Variants in DSG4 observed in about 807,000 individuals in gnomAD.
DSG4 encodes desmoglein-4.
Under a neutral mutation model 93.1 loss-of-function variants are expected in DSG4, and 87 were observed. The ratio of observed to expected loss-of-function variants is 0.93; its 90% CI spans 0.79 to 1.12. The LOEUF is 1.12. Ranked by LOEUF, DSG4 falls within the 50% of genes most tolerant of loss-of-function variation. The pLI, the probability that DSG4 is intolerant of heterozygous loss-of-function variation, is 0.00. For synonymous variants in DSG4, 432 were observed against 452.9 expected (o/e 0.95, Z 0.59); for missense variants, 1,373 against 1,285.7 (o/e 1.07, Z -1.04).
At chr18:31,399,050 C>T (rs1264784403) in intron 8 of DSG4, among the ~76,000 whole-genome samples, 2 of 152,098 alleles carry the variant, frequency 1.3e-5, no homozygotes, top group Admixed American at 6.6e-5. Context: ...TTTAAAATCA[C>T]AGCCTTAAAT....
At position 31,386,682 on chromosome 18, in the gene DSG4, C is replaced by T. The variant is rs2072191021; in HGVS notation, c.85-6C>T. On this transcript the variant is annotated splice_region_variant and splice_polypyrimidine_tract_variant and intron_variant, in intron 2 of 15. Coordinates refer to ENST00000308128, the MANE Select transcript of DSG4 (RefSeq NM_177986.5). ...CTGTAAGACACCTGAACCATTTTTG[C>T]TTAAGGTGAAGGAATTTGACATTGA... is the stretch of plus-strand genomic sequence containing the variant. The T allele has an allele frequency of 6.2e-7, 1 of 1,612,552 alleles. No homozygotes were observed. The highest frequency in any genetic ancestry group is 8.5e-7 in the Non-Finnish European group (1 of 1,179,046).
intron 5 of DSG4, among the ~76,000 whole-genome samples, chr18:31,389,943 A>G (rs1400138294): frequency 6.6e-6 from 1 of 152,162 alleles, no homozygotes; most frequent in Non-Finnish European, 1.5e-5. Flanking sequence ...ACACTGGTGA[A>G]GGAAGAGAAG....
intron 1 of DSG4, among the ~76,000 whole-genome samples, chr18:31,382,719 G>T (rs1485156118): frequency 6.6e-6 from 1 of 152,062 alleles, no homozygotes; most frequent in Non-Finnish European, 1.5e-5. Flanking sequence ...TTTGGCTTCT[G>T]TTACCCTCAT....
In DSG4 at chr18:31,411,456, C is replaced by T. The variant is rs537452018; in HGVS notation, c.2355+8C>T. The T allele has an allele frequency of 6.8e-6, 11 of 1,611,992 alleles. No individual in the cohort carries two copies. In the African/African-American group the frequency reaches 1.1e-4, roughly 16 times the overall value. On this transcript the variant is annotated splice_region_variant and intron_variant, in intron 15 of 15. Transcript: ENST00000308128. ...GACAGCTACTTCTCGGAGGTAATGC[C>T]CTCACAGTCACACATAAAATCGTCT...
intron 12 of DSG4, 90 bp downstream of exon 12, chr18:31,406,463 T>C: frequency 1.3e-6 from 2 of 1,529,400 alleles, no homozygotes; most frequent in Non-Finnish European, 9.0e-7. Context: ...CATGGAGCCA[T>C]TTCTTTTTGG....
At chr18:31,400,306 T>C (rs1022857788) in intron 9 of DSG4, among the ~76,000 whole-genome samples, 13 of 152,178 alleles carry the variant, frequency 8.5e-5, no homozygotes, top group African/African-American at 2.9e-4. Context: ...TCTGCCAGGA[T>C]GGGTGGAGGT....
Position 31,411,098 on chromosome 18 carries a change from T to G in DSG4, c.2138-133T>G, listed in dbSNP as rs17729233. ...GAGATGTATCGGTGTAACTTGTATCTCTCTTTGTCAGCTTTTTAGCGCCTA... is the reference window on the plus strand; with the variant it reads ...GAGATGTATCGGTGTAACTTGTATCGCTCTTTGTCAGCTTTTTAGCGCCTA... On this transcript the variant is annotated intron_variant, in intron 14 of 15. Coordinates refer to ENST00000308128, the MANE Select transcript of DSG4 (RefSeq NM_177986.5). The G allele has an allele frequency of 0.15, 243,452 of 1,584,168 alleles. 19,267 individuals carry two copies. The highest frequency in any genetic ancestry group is 0.2 in the East Asian group (8,811 of 43,500).
intron 1 of DSG4, among the ~76,000 whole-genome samples, chr18:31,380,659 A>G (rs1350730): frequency 0.7 from 106,108 of 151,732 alleles, 38,141 homozygotes; most frequent in East Asian, 0.9. Context: ...CTGGTGGGAT[A>G]GTAACTGCTT....
intron 12 of DSG4, among the ~76,000 whole-genome samples, chr18:31,408,023 C>T (rs1178014814): frequency 1.3e-5 from 2 of 152,072 alleles, no homozygotes; most frequent in East Asian, 3.9e-4. Flanking sequence ...TTTTCCTGAC[C>T]CAGACAAAGA....
chr18:31,400,754 C>A, intron 9 of DSG4, 127 bp from the exon 10 acceptor site: 1 of 916,632 alleles, frequency 1.1e-6, no homozygotes, highest in Non-Finnish European at 1.7e-6. Flanking sequence ...TTTTTATAAA[C>A]CAAGGCAATC....
intron 11 of DSG4, among the ~76,000 whole-genome samples, chr18:31,403,892 T>C (rs2072397470): frequency 6.6e-6 from 1 of 152,212 alleles, no homozygotes; most frequent in Non-Finnish European, 1.5e-5. Flanking sequence ...ACCCATCATT[T>C]TGAGTAGGTA....
In DSG4 at chr18:31,390,725, A is replaced by C; in HGVS notation, c.587A>C (p.Tyr196Ser). The stretch of plus-strand genomic sequence containing the variant: ...AATCATCTGAATTCTAAAATTGCCT[A>C]CAAGATCGTCTCTCAGGAGCCATCA... The part of the protein sequence containing the change: ...EENHLNSKIA[Y>S]KIVSQEPSGA... Residue 196 changes from tyrosine (Y) to serine (S), a missense_variant, in exon 6 of 16, where the codon TAC becomes TCC. Physicochemically the swap from Tyr to Ser is moderately radical, Grantham distance 144. Coordinates refer to ENST00000308128, the MANE Select transcript of DSG4 (RefSeq NM_177986.5). 1 of 1,613,838 alleles carries C rather than the reference A, an allele frequency of 6.2e-7. No homozygotes were observed. The highest frequency in any genetic ancestry group is 1.1e-5 in the South Asian group (1 of 91,078).
In DSG4 at chr18:31,376,869, A is replaced by G. The variant is rs140773382; in HGVS notation, c.-43A>G. 6.2e-6 allele frequency: 10 copies of G among 1,612,000 alleles called. No homozygotes were observed. In the African/African-American group the frequency reaches 6.7e-5, roughly 11 times the overall value. On this transcript the variant is annotated 5_prime_UTR_variant, in exon 1 of 16. Transcript: ENST00000308128. Reference sequence around the variant, plus strand: ...TCGGAACTGAGAAGACGAGGGCTCAAATTGAATCTCACAGGATTTGCGTGC... The same window carrying G: ...TCGGAACTGAGAAGACGAGGGCTCAGATTGAATCTCACAGGATTTGCGTGC...
Position 31,409,358 on chromosome 18 carries a change from A to G in DSG4, c.1934-94A>G, listed in dbSNP as rs547289983. 8.2e-6 allele frequency: 13 copies of G among 1,584,434 alleles called. No homozygotes were observed. In the African/African-American group the frequency reaches 1.1e-4, roughly 13 times the overall value. On this transcript the variant is annotated intron_variant, in intron 12 of 15. Transcript: ENST00000308128. ...ATATATTTGTATTTTTGTTCTAAATATACTGCCACCAAATGCTCCCCAGAA... is the reference window on the plus strand; with the variant it reads ...ATATATTTGTATTTTTGTTCTAAATGTACTGCCACCAAATGCTCCCCAGAA...
chr18:31,379,784 T>C (rs1352133083), intron 1 of DSG4, among the ~76,000 whole-genome samples: 26 of 152,216 alleles, frequency 1.7e-4, no homozygotes, highest in Admixed American at 1.7e-3. Flanking sequence ...TATGTTATTC[T>C]GAAACATGGA....
rs769650327 is a variant in DSG4, at chr18:31,388,872, A to T, written c.373-2A>T. On this transcript the variant is annotated splice_acceptor_variant, in intron 4 of 15. Coordinates refer to ENST00000308128, the MANE Select transcript of DSG4 (RefSeq NM_177986.5). LOFTEE classifies it high-confidence loss of function. ...AGATGGCTTTTTTCCAATTTTCCAC[A>T]GATCTATTGCCGGGCTCTGAATTCA... 6.2e-7 allele frequency: 1 copy of T among 1,613,466 alleles called. No homozygotes were observed. Among genetic ancestry groups the T allele is most frequent in the African/African-American group, 1.3e-5 (1 of 74,904 alleles).
chr18:31,401,066 T>G, intron 10 of DSG4, 46 bp downstream of exon 10: 1 of 1,426,104 alleles, frequency 7.0e-7, no homozygotes, highest in Non-Finnish European at 9.6e-7. Flanking sequence ...AGTACTATTA[T>G]ATTAAATATT....
intron 15 of DSG4, among the ~76,000 whole-genome samples, chr18:31,411,904 G>C (rs1159781437): frequency 6.6e-6 from 1 of 152,148 alleles, no homozygotes; most frequent in African/African-American, 2.4e-5. Flanking sequence ...CAGGAACGCA[G>C]CATCACCACA....
At chr18:31,401,629 C>T (rs2072368256) in intron 10 of DSG4, 1 of 152,040 alleles carries the variant, frequency 6.6e-6, no homozygotes, top group South Asian at 2.1e-4. Flanking sequence ...TTAAGCAGTC[C>T]TCTTGGTGAG....
Sources: gnomAD v4.1 joint callset for allele counts (sites outside exome capture counted in the v4.1 genomes callset) on GRCh38, gnomAD v4.1.1 for gene constraint, MANE v1.5 for transcripts, NCBI Gene and HGNC (gene_info 2026-07-23, HGNC 2026-07-21) for gene names.